PPFIBP2: variants seen among roughly 807,000 people sequenced by gnomAD.
The protein encoded by PPFIBP2 is liprin-beta-2.
Under a neutral mutation model 118.3 loss-of-function variants are expected in PPFIBP2, and 118 were observed. The observed-to-expected ratio is 1.00, with a 90% CI of 0.86 to 1.16. The LOEUF (loss-of-function observed/expected upper bound fraction) is 1.16, where lower values mean the gene tolerates loss of function less well. Among genes scored for constraint, PPFIBP2 ranks in the 50% most tolerant of loss-of-function variants. PPFIBP2 has a pLI of 0.00. For missense variants in PPFIBP2, 1,195 were observed against 1,073.1 expected (o/e 1.11, Z -1.59); for synonymous variants, 414 against 397.4 (o/e 1.04, Z -0.50).
intron 2 of PPFIBP2, 116 bp downstream of exon 2, chr11:7,549,655 T>G (rs1355212684): frequency 1.8e-6 from 2 of 1,125,654 alleles, no homozygotes; most frequent in Non-Finnish European, 2.5e-6. Context: ...TTTGTTATAT[T>G]TATTTTTCAG....
In PPFIBP2 at chr11:7,639,829, T is replaced by G; in HGVS notation, c.1334T>G (p.Ile445Ser). Residue 445 changes from isoleucine to serine, a missense_variant, in exon 15 of 24, where the codon ATC becomes AGC. Transcript: ENST00000299492. ...NGEAAKSPPT[I>S]CQPDATGSSL... Reference sequence around the variant, plus strand: ...GAGGCTGCCAAATCTCCTCCCACCATCTGCCAGCCTGACGCCACGGGGAGC... The same window carrying G: ...GAGGCTGCCAAATCTCCTCCCACCAGCTGCCAGCCTGACGCCACGGGGAGC... 1 of 1,614,176 alleles carries G rather than the reference T, an allele frequency of 6.2e-7. No individual in the cohort carries two copies. Among genetic ancestry groups the G allele is most frequent in the Non-Finnish European group, 8.5e-7 (1 of 1,180,020 alleles).
intron 3 of PPFIBP2, chr11:7,577,721 C>A (rs6578880): frequency 5.5e-5 from 25 of 454,448 alleles, no homozygotes; most frequent in African/African-American, 3.2e-4. Context: ...GTGTGTGTGC[C>A]TGTGTGTGGT....
In PPFIBP2 at chr11:7,629,500, C is replaced by T. The variant is rs1017846777; in HGVS notation, c.930C>T (p.Tyr310=). 7 of 1,613,924 alleles carry T rather than the reference C, an allele frequency of 4.3e-6. No homozygotes were observed. Among genetic ancestry groups the T allele is most frequent in the Non-Finnish European group, 5.9e-6 (7 of 1,179,982 alleles). ...IEELTGLLNQ[Y]RKVKEIVMVT... The stretch of plus-strand genomic sequence containing the variant: ...AGCTTACGGGGCTGTTAAACCAGTA[C>T]CGGAAGGTAAAGGAGATTGTGATGG... The change falls in exon 10 of 24, where the codon TAC becomes TAT. Residue 310 remains tyrosine (Y), a synonymous_variant. Transcript: ENST00000299492.
chr11:7,552,754 GC>G lies in PPFIBP2; in HGVS notation c.64+3223del, dbSNP rs918592181. On this transcript the variant is annotated intron_variant, in intron 2 of 23. Coordinates refer to ENST00000299492, the MANE Select transcript of PPFIBP2 (RefSeq NM_003621.5). The stretch of plus-strand genomic sequence containing the variant: ...TGTATCTCACTTTAACCATGAGCTT[GC>G]CCCCCCCTCTCCTGGAATGCCCTCC... Among the ~76,000 whole-genome samples the G allele has an allele frequency of 2.1e-4, 32 of 151,486 alleles. No homozygotes were observed. In the East Asian group the frequency reaches 2.1e-3, roughly 10 times the overall value.
In PPFIBP2 at chr11:7,597,501, G is replaced by A. The variant is rs1263949320; in HGVS notation, c.373-59G>A. 58 of 1,551,396 alleles carry A rather than the reference G, an allele frequency of 3.7e-5. 2 individuals are homozygous for A. In the Middle Eastern group the frequency reaches 8.4e-4, roughly 22 times the overall value. ...TTAACGGCTCCCCTGAGGTGGGGAG[G>A]CTTTCCTGCACCATGTCAAATCCCT... On this transcript the variant is annotated intron_variant, in intron 4 of 23. Transcript: ENST00000299492.
In PPFIBP2 at chr11:7,632,941, G is replaced by C; in HGVS notation, c.1136+7G>C. On this transcript the variant is annotated splice_region_variant and intron_variant, in intron 12 of 23. Transcript: ENST00000299492. ...AGAAATCACTGGAAACCAGGTAAGAGGCCTGGGCATTTCCCCACAGCCACT... is the reference window on the plus strand; with the variant it reads ...AGAAATCACTGGAAACCAGGTAAGACGCCTGGGCATTTCCCCACAGCCACT... 6.2e-7 allele frequency: 1 copy of C among 1,612,310 alleles called. No individual in the cohort carries two copies. The highest frequency in any genetic ancestry group is 8.5e-7 in the Non-Finnish European group (1 of 1,178,490).
chr11:7,570,736 G>A (rs1855567667), intron 3 of PPFIBP2, among the ~76,000 whole-genome samples: 1 of 152,190 alleles, frequency 6.6e-6, no homozygotes. Flanking sequence ...ATTGAACCAG[G>A]GTGAGGGAGT....
At chr11:7,519,082 G>GT (rs1849497914) in intron 1 of PPFIBP2, among the ~76,000 whole-genome samples, 1 of 152,100 alleles carries the variant, frequency 6.6e-6, no homozygotes, top group South Asian at 2.1e-4. Flanking sequence ...AGGAAAAGAA[G>GT]TGGGTACTGC....
chr11:7,519,712 A>T (rs1849565659), intron 1 of PPFIBP2, among the ~76,000 whole-genome samples: 1 of 152,190 alleles, frequency 6.6e-6, no homozygotes, highest in Admixed American at 6.5e-5. Context: ...AGACGATAAA[A>T]GGAGCGATCG....
chr11:7,545,425 G>A, intron 1 of PPFIBP2, among the ~76,000 whole-genome samples: 1 of 152,174 alleles, frequency 6.6e-6, no homozygotes, highest in Non-Finnish European at 1.5e-5. Context: ...GTGAGACCCT[G>A]TCTCAAACAA....
intron 1 of PPFIBP2, among the ~76,000 whole-genome samples, chr11:7,534,714 G>A (rs1309458355): frequency 6.6e-6 from 1 of 152,196 alleles, no homozygotes; most frequent in Non-Finnish European, 1.5e-5. Flanking sequence ...TCCATTCACT[G>A]GGAGGGGCTT....
chr11:7,640,278 T>A (rs1851995662), intron 15 of PPFIBP2, among the ~76,000 whole-genome samples: 1 of 152,142 alleles, frequency 6.6e-6, no homozygotes. Context: ...CTCTCCTGTC[T>A]CCACCTTCTT....
At chr11:7,517,060 T>C (rs1322302788) in intron 1 of PPFIBP2, among the ~76,000 whole-genome samples, 4 of 152,194 alleles carry the variant, frequency 2.6e-5, no homozygotes, top group African/African-American at 9.7e-5. Context: ...CATCGTGTCG[T>C]TGTAGCAGGA....
At chr11:7,566,213 GT>G (rs1291340035) in intron 3 of PPFIBP2, among the ~76,000 whole-genome samples, 1 of 152,058 alleles carries the variant, frequency 6.6e-6, no homozygotes, top group Admixed American at 6.5e-5. Context: ...AGGAGGCAAT[GT>G]TTTCTTATTT....
chr11:7,593,076 T>G, intron 3 of PPFIBP2, 56 bp from the exon 4 acceptor site: 42 of 1,597,464 alleles, frequency 2.6e-5, no homozygotes, highest in Non-Finnish European at 3.6e-5. Context: ...ATTTAGAAGT[T>G]GGTAAGATGT....
chr11:7,603,131 C>T (rs59475332), intron 5 of PPFIBP2, among the ~76,000 whole-genome samples: 1,632 of 152,222 alleles, frequency 0.011, 42 homozygotes, highest in African/African-American at 0.037. Flanking sequence ...GTACATGTTC[C>T]GGTGGGAACA....
At chr11:7,646,688 A>G (rs950499192) in intron 17 of PPFIBP2, among the ~76,000 whole-genome samples, 1 of 152,142 alleles carries the variant, frequency 6.6e-6, no homozygotes, top group Non-Finnish European at 1.5e-5. Flanking sequence ...TTACATCACT[A>G]CACTCCAGCC....
intron 2 of PPFIBP2, among the ~76,000 whole-genome samples, chr11:7,562,929 T>TCATATATA (rs1854461778): frequency 1.2e-5 from 1 of 86,536 alleles, no homozygotes; most frequent in African/African-American, 3.5e-5. Context: ...AATTAAAGTT[T>TCATATATA]TATATATATA....
the PPFIBP2 span, among the ~76,000 whole-genome samples, chr11:7,662,747 C>T: frequency 6.6e-6 from 1 of 151,342 alleles, no homozygotes; most frequent in African/African-American, 2.4e-5. Flanking sequence ...GAGTGTTCTC[C>T]AACTTGGTTC....
Sources: gnomAD v4.1 joint callset for allele counts (sites outside exome capture counted in the v4.1 genomes callset) on GRCh38, gnomAD v4.1.1 for gene constraint, MANE v1.5 for transcripts, NCBI Gene and HGNC (gene_info 2026-07-23, HGNC 2026-07-21) for gene names.